The following TG variants were observed in gnomAD, a reference collection of about 807,000 sequenced individuals.
TG encodes thyroid hormones.
TG carries 270 observed loss-of-function variants against 324.7 expected under a neutral mutation model. The observed-to-expected ratio is 0.83, with a 90% CI of 0.75 to 0.92. The LOEUF is 0.92. Among genes scored for constraint, TG ranks in the 40% least tolerant of loss-of-function variants. The pLI, the probability that TG is intolerant of heterozygous loss-of-function variation, is 0.00. For missense variants in TG, 3,591 were observed against 3,456.4 expected (o/e 1.04, Z -0.98); for synonymous variants, 1,401 against 1,327.0 (o/e 1.06, Z -1.21).
intron 8 of TG, chr8:132,883,251 A>T: frequency 3.9e-6 from 2 of 513,452 alleles, no homozygotes; most frequent in Non-Finnish European, 6.9e-6. Context: ...AGAAAAATAA[A>T]AGAGAATTGA....
chr8:132,988,342 T>C (rs1831865764), intron 35 of TG, among the ~76,000 whole-genome samples: 1 of 152,130 alleles, frequency 6.6e-6, no homozygotes, highest in Non-Finnish European at 1.5e-5. Context: ...GCACTGCATG[T>C]GTGGAAGCAT....
chr8:132,911,934 G>A (rs993680566), intron 19 of TG, among the ~76,000 whole-genome samples: 1 of 152,202 alleles, frequency 6.6e-6, no homozygotes, highest in Non-Finnish European at 1.5e-5. Context: ...TCACGATATG[G>A]ATGAGTCAAC....
At chr8:133,003,378 A>G (rs917745694) in intron 35 of TG, 7 of 152,044 alleles carry the variant, frequency 4.6e-5, no homozygotes, top group Middle Eastern at 3.2e-3. Flanking sequence ...GCTTAAATCA[A>G]TCAAATGAAC....
intron 25 of TG, among the ~76,000 whole-genome samples, chr8:132,936,498 G>C (rs1032111754): frequency 6.6e-6 from 1 of 152,166 alleles, no homozygotes; most frequent in Non-Finnish European, 1.5e-5. Flanking sequence ...TGCTGGTCCG[G>C]GGACCACACT....
intron 25 of TG, among the ~76,000 whole-genome samples, chr8:132,940,142 C>T (rs1179820812): frequency 1.3e-5 from 2 of 152,160 alleles, no homozygotes; most frequent in African/African-American, 4.8e-5. Context: ...TTGGGTCTCA[C>T]ACTGAAAACC....
At chr8:132,988,103 C>CACACACA (rs1319222693) in intron 35 of TG, among the ~76,000 whole-genome samples, 1 of 146,912 alleles carries the variant, frequency 6.8e-6, no homozygotes, top group Non-Finnish European at 1.5e-5. Context: ...CACACACACA[C>CACACACA]GAAATGAAGC....
At chr8:133,091,417 C>G (rs1475496395) in intron 41 of TG, among the ~76,000 whole-genome samples, 1 of 152,166 alleles carries the variant, frequency 6.6e-6, no homozygotes, top group Non-Finnish European at 1.5e-5. Flanking sequence ...CATGGATGCC[C>G]CAGGGCAGAG....
chr8:133,089,158 G>A (rs11988147), intron 41 of TG, among the ~76,000 whole-genome samples: 5,476 of 152,190 alleles, frequency 0.036, 331 homozygotes, highest in African/African-American at 0.13. Flanking sequence ...TCACCGATGG[G>A]CTCCCTGACT....
At chr8:132,936,419 G>C (rs887433429) in intron 25 of TG, among the ~76,000 whole-genome samples, 3 of 152,220 alleles carry the variant, frequency 2.0e-5, no homozygotes, top group African/African-American at 7.2e-5. Flanking sequence ...GTGCAAACCT[G>C]AGTTAGTAAA....
At chr8:132,944,107 T>G (rs1239376416) in intron 26 of TG, among the ~76,000 whole-genome samples, 2 of 152,188 alleles carry the variant, frequency 1.3e-5, no homozygotes, top group African/African-American at 4.8e-5. Context: ...CCAGCCGATC[T>G]CAGTGAAGGG....
Position 133,013,684 on chromosome 8 carries a change from A to C in TG, c.6482A>C (p.Gln2161Pro). 2 of 1,614,190 alleles carry C rather than the reference A, an allele frequency of 1.2e-6. No individual in the cohort carries two copies. Among genetic ancestry groups the C allele is most frequent in the Admixed American group, 1.7e-5 (1 of 60,030 alleles). ...AVRCMFYADT[Q>P]SCTHSLQGQN... ...AGATGTATGTTCTATGCTGATACTCAAAGCTGCACACATAGTCTGCAGGGT... is the reference window on the plus strand; with the variant it reads ...AGATGTATGTTCTATGCTGATACTCCAAGCTGCACACATAGTCTGCAGGGT... The change falls in exon 37 of 48, where the codon CAA becomes CCA. Residue 2161 changes from glutamine (Q) to proline (P), a missense_variant. Transcript: ENST00000220616.
chr8:133,059,894 C>T (rs1005378098), intron 41 of TG, among the ~76,000 whole-genome samples: 12 of 152,208 alleles, frequency 7.9e-5, no homozygotes, highest in Non-Finnish European at 1.6e-4. Flanking sequence ...GATTTGACAC[C>T]CTTCAGGTGC....
intron 41 of TG, among the ~76,000 whole-genome samples, chr8:133,066,182 C>T (rs150252764): frequency 2.0e-5 from 3 of 151,916 alleles, no homozygotes; most frequent in African/African-American, 4.8e-5. Flanking sequence ...ATAAATTAGC[C>T]GGGCGTGGTG....
At chr8:133,019,770 G>T (rs1835390795) in intron 39 of TG, 75 bp downstream of exon 39, 1 of 1,277,468 alleles carries the variant, frequency 7.8e-7, no homozygotes. Context: ...ACTGTGGCCA[G>T]CACAGTTCAG....
chr8:132,925,915 G>A (rs1821803698), intron 22 of TG, among the ~76,000 whole-genome samples: 1 of 152,350 alleles, frequency 6.6e-6, no homozygotes. Context: ...ACGAGTCACA[G>A]CTGAGCTTTG....
At chr8:133,081,739 T>C (rs1845785898) in intron 41 of TG, among the ~76,000 whole-genome samples, 1 of 152,190 alleles carries the variant, frequency 6.6e-6, no homozygotes, top group Admixed American at 6.5e-5. Context: ...TTCTCAGCCA[T>C]GCAAGGGTTG....
intron 44 of TG, among the ~76,000 whole-genome samples, chr8:133,113,888 C>T (rs1588127468): frequency 6.6e-6 from 1 of 152,178 alleles, no homozygotes; most frequent in East Asian, 1.9e-4. Flanking sequence ...AGGGCAGAGA[C>T]GAAGCACTTG....
intron 23 of TG, among the ~76,000 whole-genome samples, chr8:132,929,939 A>C (rs2132532819): frequency 6.6e-6 from 1 of 152,284 alleles, no homozygotes; most frequent in South Asian, 2.1e-4. Flanking sequence ...GGTACGATTG[A>C]GTCCCTCACC....
chr8:132,933,435 T>TGTGTGTGG, intron 23 of TG, 126 bp from the exon 24 acceptor site: 1 of 225,178 alleles, frequency 4.4e-6, no homozygotes, highest in Non-Finnish European at 8.0e-6. Context: ...TCTGCATATT[T>TGTGTGTGG]GTGTGTGTGT....
Sources: gnomAD v4.1 joint callset for allele counts (sites outside exome capture counted in the v4.1 genomes callset) on GRCh38, gnomAD v4.1.1 for gene constraint, MANE v1.5 for transcripts, NCBI Gene and HGNC (gene_info 2026-07-23, HGNC 2026-07-21) for gene names.